Variants in LUC7L3 observed in about 807,000 individuals in gnomAD.
LUC7L3 encodes the protein LUC7 like 3 pre-mRNA splicing factor, also known as luc7-like protein 3.
Under a neutral mutation model 66.8 loss-of-function variants are expected in LUC7L3, and 6 were observed. The ratio of observed to expected loss-of-function variants is 0.09; its 90% confidence interval spans 0.05 to 0.18. The LOEUF (loss-of-function observed/expected upper bound fraction) is 0.18. Ranked by LOEUF, LUC7L3 falls within the 10% of genes least tolerant of loss-of-function variation. The pLI is 1.00. For missense variants in LUC7L3, 341 were observed against 531.1 expected (o/e 0.64, Z 3.52); for synonymous variants, 160 against 174.7 (o/e 0.92, Z 0.66).
intron 1 of LUC7L3, among the ~76,000 whole-genome samples, chr17:50,726,066 A>T (rs2042077238): frequency 6.6e-6 from 1 of 152,260 alleles, no homozygotes; most frequent in African/African-American, 2.4e-5. Context: ...CTGCATGAGC[A>T]GTTGGTGTCT....
intron 2 of LUC7L3, among the ~76,000 whole-genome samples, chr17:50,738,792 C>T (rs1163285219): frequency 2.6e-5 from 4 of 152,010 alleles, no homozygotes; most frequent in Non-Finnish European, 4.4e-5. Flanking sequence ...ATTTGCAGTA[C>T]TAAAGGACAT....
chr17:50,731,263 G>T (rs1418992747), intron 1 of LUC7L3, among the ~76,000 whole-genome samples: 1 of 152,100 alleles, frequency 6.6e-6, no homozygotes, highest in Non-Finnish European at 1.5e-5. Flanking sequence ...CTCCCTCCCG[G>T]GTTCAAGCGA....
In LUC7L3 at chr17:50,744,889, GCCACCT is replaced by G. The variant is rs1970569578; in HGVS notation, c.693+85_693+90del. ...TGCAGTGACGCGATCTCAGCTCACT[GCCACCT>G]CCACCTCCCAGGTTTAAGCAATTCT... On this transcript the variant is annotated intron_variant, in intron 7 of 9. Coordinates refer to ENST00000505658, the MANE Select transcript of LUC7L3 (RefSeq NM_016424.5). 2.0e-5 allele frequency: 24 copies of G among 1,213,010 alleles called. No individual in the cohort carries two copies. In the South Asian group the frequency reaches 3.1e-4, roughly 15 times the overall value. 75.1% of individuals were successfully genotyped at this position (1,213,010 alleles called of 1,614,324 possible).
chr17:50,719,922 GC>G, intron 1 of LUC7L3, 91 bp downstream of exon 1: 1 of 1,180,178 alleles, frequency 8.5e-7, no homozygotes, highest in Non-Finnish European at 1.2e-6. Context: ...GCGCGATGTG[GC>G]CAGGGCCGCA....
rs1968784356 is a variant in LUC7L3 at position 50,721,773 on chromosome 17, A to G, written c.99+1942A>G. On this transcript the variant is annotated intron_variant, in intron 1 of 9. Coordinates refer to ENST00000505658, the MANE Select transcript of LUC7L3 (RefSeq NM_016424.5). ...ACCTGCAGGGATGGGCAAACCCATT[A>G]TATGCTGAAAAGGAGTCACCTTTTC... Among the ~76,000 whole-genome samples, 3 of 152,212 alleles carry G rather than the reference A, an allele frequency of 2.0e-5. No individual in the cohort carries two copies. In the South Asian group the frequency reaches 6.2e-4, roughly 31 times the overall value.
In LUC7L3 at chr17:50,732,233, G is replaced by T. The variant is rs150650585; in HGVS notation, c.100-4727G>T. 1.2e-3 allele frequency among the ~76,000 whole-genome samples: 187 copies of T among 152,282 alleles called. No individual in the cohort carries two copies. In the Middle Eastern group the frequency reaches 0.014, roughly 11 times the overall value. On this transcript the variant is annotated intron_variant, in intron 1 of 9. Coordinates refer to ENST00000505658, the MANE Select transcript of LUC7L3 (RefSeq NM_016424.5). ...AGTAGATAAAGTAGAAATCTTAGGG[G>T]CATTCCTGGAATTGGAGTTAATCGG...
At position 50,754,793 on chromosome 17, in the gene LUC7L3, ATATAGT is replaced by A. The variant is rs1567884927; in HGVS notation, c.*4135_*4140del. ...CTCCTTAGGCATTCTGGTTCCTTAAATATAGTTAGTGTCACAGAGGATAAATAACCA... is the reference window on the plus strand; with the variant it reads ...CTCCTTAGGCATTCTGGTTCCTTAAATAGTGTCACAGAGGATAAATAACCA... On this transcript the variant is annotated 3_prime_UTR_variant, in exon 10 of 10. Transcript: ENST00000505658. 1 of 152,212 alleles carries A rather than the reference ATATAGT, an allele frequency of 6.6e-6. No individual in the cohort carries two copies. The highest frequency in any genetic ancestry group is 1.9e-4 in the East Asian group (1 of 5,200). The allele number at this position is 152,212 out of a possible 1,614,324, so 9.4% of individuals were successfully genotyped here.
At chr17:50,734,434 T>C (rs1969845890) in intron 1 of LUC7L3, among the ~76,000 whole-genome samples, 1 of 152,342 alleles carries the variant, frequency 6.6e-6, no homozygotes, top group East Asian at 1.9e-4. Context: ...CCCAAAGTGC[T>C]GGGATTACAG....
chr17:50,750,493 T>C lies in LUC7L3; in HGVS notation c.1139-8T>C. The stretch of plus-strand genomic sequence containing the variant: ...AAAATCCATGGTCAATGTCTTCTTT[T>C]ATGGCAGAAAAGAGGGGATCTGATG... On this transcript the variant is annotated splice_region_variant and splice_polypyrimidine_tract_variant and intron_variant, in intron 9 of 9. Transcript: ENST00000505658. 1 of 1,607,308 alleles carries C rather than the reference T, an allele frequency of 6.2e-7. No homozygotes were observed. The highest frequency in any genetic ancestry group is 8.5e-7 in the Non-Finnish European group (1 of 1,176,938).
Position 50,741,242 on chromosome 17 carries a change from C to T in LUC7L3, c.347C>T (p.Ser116Phe). Residue 116 changes from serine (S) to phenylalanine (F), a missense_variant, in exon 4 of 10, where the codon TCT becomes TTT. By Grantham distance (155) the Ser-to-Phe change is radical. Transcript: ENST00000505658. The stretch of plus-strand genomic sequence containing the variant: ...GCATTATCTCAAAACCAGCAGTCTT[C>T]TGGGGTAAGTGAAGTCAATTCAGTC... ...RLALSQNQQS[S>F]GAAGPTGKNE... is the part of the protein sequence containing the mutation. The T allele has an allele frequency of 6.2e-7, 1 of 1,614,068 alleles. No individual in the cohort carries two copies. Among genetic ancestry groups the T allele is most frequent in the Non-Finnish European group, 8.5e-7 (1 of 1,179,970 alleles).
intron 1 of LUC7L3, among the ~76,000 whole-genome samples, chr17:50,731,655 A>G (rs1969613223): frequency 1.3e-5 from 2 of 152,332 alleles, no homozygotes; most frequent in South Asian, 4.1e-4. Flanking sequence ...GTACCATTAA[A>G]TGGTAAAGCA....
Position 50,745,928 on chromosome 17 carries a change from G to A in LUC7L3, c.902G>A (p.Ser301Asn). The A allele has an allele frequency of 6.2e-7, 1 of 1,613,594 alleles. No homozygotes were observed. Among genetic ancestry groups the A allele is most frequent in the Non-Finnish European group, 8.5e-7 (1 of 1,179,884 alleles). ...KRSRSRSRHS[S>N]RTSDRRCSRS... is the part of the protein sequence containing the mutation. ...AGTCGTTCACGAAGTAGACACTCAA[G>A]CCGAACATCAGACAGAAGATGCAGC... The change falls in exon 8 of 10, where the codon AGC becomes AAC. Residue 301 changes from serine (S) to asparagine (N), a missense_variant. Coordinates refer to ENST00000505658, the MANE Select transcript of LUC7L3 (RefSeq NM_016424.5).
chr17:50,726,038 T>C (rs553006335), intron 1 of LUC7L3, among the ~76,000 whole-genome samples: 30 of 152,244 alleles, frequency 2.0e-4, no homozygotes, highest in Non-Finnish European at 3.5e-4. Flanking sequence ...CCCTATGACC[T>C]GTGACTCTTG....
Position 50,743,699 on chromosome 17 carries a change from T to C in LUC7L3, c.427-7T>C, listed in dbSNP as rs774440661. ...TCTTAACTGTTTTTTTCCCCTACTCTTCTAAGATTGAAGAATTAGGGTCTG... is the reference window on the plus strand; with the variant it reads ...TCTTAACTGTTTTTTTCCCCTACTCCTCTAAGATTGAAGAATTAGGGTCTG... On this transcript the variant is annotated splice_region_variant and splice_polypyrimidine_tract_variant and intron_variant, in intron 5 of 9. Transcript: ENST00000505658. 6 of 1,568,702 alleles carry C rather than the reference T, an allele frequency of 3.8e-6. No homozygotes were observed. The East Asian group carries it at 9.0e-5, about 23-fold the overall frequency.
chr17:50,745,327 T>TTAGCTA (rs1308256151), intron 7 of LUC7L3, among the ~76,000 whole-genome samples: 13 of 152,200 alleles, frequency 8.5e-5, no homozygotes, highest in Admixed American at 8.5e-4. Flanking sequence ...AAAATCTATT[T>TTAGCTA]TAGCTATAGC....
chr17:50,744,166 C>T (rs1555610638), intron 6 of LUC7L3, among the ~76,000 whole-genome samples: 1 of 152,122 alleles, frequency 6.6e-6, no homozygotes, highest in Non-Finnish European at 1.5e-5. Flanking sequence ...AATTAATACA[C>T]CCTTAAATAT....
chr17:50,747,681 C>G (rs887558014), intron 9 of LUC7L3, among the ~76,000 whole-genome samples: 2 of 152,032 alleles, frequency 1.3e-5, no homozygotes, highest in African/African-American at 2.4e-5. Flanking sequence ...TTCGTTTTTC[C>G]TCTAGACTCA....
intron 7 of LUC7L3, 148 bp downstream of exon 7, chr17:50,744,961 G>GC (rs1567875368): frequency 1.7e-6 from 1 of 590,650 alleles, no homozygotes. Context: ...ACAGGCATGT[G>GC]CCACCAGGCC....
At chr17:50,746,145 CAG>C (rs1287665823) in intron 8 of LUC7L3, 142 bp downstream of exon 8, 6 of 1,306,706 alleles carry the variant, frequency 4.6e-6, no homozygotes, top group African/African-American at 1.5e-5. Flanking sequence ...AGAGCGGAAT[CAG>C]TGAATAAAAT....
Sources: gnomAD v4.1 joint callset for allele counts (sites outside exome capture counted in the v4.1 genomes callset) on GRCh38, gnomAD v4.1.1 for gene constraint, MANE v1.5 for transcripts, NCBI Gene and HGNC (gene_info 2026-07-23, HGNC 2026-07-21) for gene names.